Variants in EPHA6 observed in about 807,000 individuals in gnomAD.
EPHA6 encodes the protein EPH receptor A6, also known as ephrin type-A receptor 6.
Under a neutral mutation model 112.0 loss-of-function variants are expected in EPHA6, and 50 were observed. That is an observed-to-expected ratio of 0.45 (90% CI 0.36 to 0.56). The LOEUF (loss-of-function observed/expected upper bound fraction) is 0.56, where lower values mean the gene tolerates loss of function less well. EPHA6 is among the 20% of genes least tolerant of loss of function. The pLI is 0.00. For missense variants in EPHA6, 1,280 were observed against 1,417.4 expected, an observed-to-expected ratio of 0.90 and a Z score of 1.56; for synonymous variants, 529 against 490.7, an observed-to-expected ratio of 1.08 and a Z score of -1.03.
chr3:97,726,564 T>A (rs931954959), intron 15 of EPHA6, among the ~76,000 whole-genome samples: 1 of 152,126 alleles, frequency 6.6e-6, no homozygotes, highest in Non-Finnish European at 1.5e-5. Flanking sequence ...TTGACATATT[T>A]AGCCTATTGC....
Position 97,571,173 on chromosome 3 carries a change from A to T in EPHA6, c.2387-21439A>T, listed in dbSNP as rs142149757. Among the ~76,000 whole-genome samples, 395 of 152,240 alleles carry T rather than the reference A, an allele frequency of 2.6e-3. 3 individuals are homozygous for T. Among genetic ancestry groups the T allele is most frequent in the African/African-American group, 9.3e-3 (385 of 41,526 alleles). On this transcript the variant is annotated intron_variant, in intron 11 of 17. Coordinates refer to ENST00000389672, the MANE Select transcript of EPHA6 (RefSeq NM_001080448.3). Reference sequence around the variant, plus strand: ...GCAAGGAGTCAGCATTTAGGGCAGTAATATCACTTGTTAAAAAATACTGCT... The same window carrying T: ...GCAAGGAGTCAGCATTTAGGGCAGTTATATCACTTGTTAAAAAATACTGCT...
intron 10 of EPHA6, among the ~76,000 whole-genome samples, chr3:97,485,258 A>G (rs2091671380): frequency 1.3e-5 from 2 of 152,226 alleles, no homozygotes; most frequent in Non-Finnish European, 2.9e-5. Context: ...GACAAGCTAC[A>G]TAATTTGCAG....
At chr3:96,850,406 A>C (rs952289169) in intron 1 of EPHA6, among the ~76,000 whole-genome samples, 1 of 152,092 alleles carries the variant, frequency 6.6e-6, no homozygotes, top group African/African-American at 2.4e-5. Context: ...ACTGTCCTAG[A>C]AGCCTTTAGA....
intron 5 of EPHA6, among the ~76,000 whole-genome samples, chr3:97,288,924 ATTTTTT>A (rs374397667): frequency 1.6e-4 from 18 of 111,286 alleles, no homozygotes; most frequent in Non-Finnish European, 2.8e-4. Context: ...TTTAATGGGG[ATTTTTT>A]TTTTTTTTTT....
intron 6 of EPHA6, among the ~76,000 whole-genome samples, chr3:97,415,315 G>A (rs954139009): frequency 2.6e-5 from 4 of 151,986 alleles, no homozygotes; most frequent in African/African-American, 4.8e-5. Flanking sequence ...GTGGATGAGC[G>A]TCCTCTTATA....
intron 5 of EPHA6, among the ~76,000 whole-genome samples, chr3:97,359,554 G>A (rs895173282): frequency 6.6e-6 from 1 of 151,128 alleles, no homozygotes; most frequent in Non-Finnish European, 1.5e-5. Flanking sequence ...TGTGCCACAG[G>A]TCTTTTTCAG....
intron 3 of EPHA6, among the ~76,000 whole-genome samples, chr3:97,111,573 T>C (rs1270475130): frequency 6.6e-6 from 1 of 152,126 alleles, no homozygotes; most frequent in Non-Finnish European, 1.5e-5. Context: ...TATTTTTCCC[T>C]GGAAACAAAA....
At chr3:97,138,963 A>G (rs1165031485) in intron 3 of EPHA6, among the ~76,000 whole-genome samples, 5 of 152,134 alleles carry the variant, frequency 3.3e-5, no homozygotes, top group Non-Finnish European at 7.4e-5. Context: ...TGATATGCTG[A>G]AAACTCTGGG....
At chr3:96,948,144 G>GT (rs1211300060) in intron 2 of EPHA6, among the ~76,000 whole-genome samples, 3 of 152,060 alleles carry the variant, frequency 2.0e-5, no homozygotes, top group African/African-American at 7.2e-5. Context: ...GGCAAAAACT[G>GT]TTTTTTTAAT....
intron 5 of EPHA6, among the ~76,000 whole-genome samples, chr3:97,384,561 C>A (rs1235725865): frequency 1.3e-5 from 2 of 152,216 alleles, no homozygotes; most frequent in African/African-American, 4.8e-5. Context: ...AAACACTTTA[C>A]TGTCCTCCTG....
chr3:97,736,141 T>G (rs1218947449), intron 16 of EPHA6, 23 bp downstream of exon 16: 1 of 1,577,720 alleles, frequency 6.3e-7, no homozygotes, highest in Non-Finnish European at 8.6e-7. Flanking sequence ...ATGTTGAGTT[T>G]TTTTCTTCTT....
chr3:97,082,889 A>G (rs1356498731), intron 3 of EPHA6, among the ~76,000 whole-genome samples: 1 of 151,946 alleles, frequency 6.6e-6, no homozygotes, highest in East Asian at 1.9e-4. Context: ...ATTAAAGTTT[A>G]CTATAATCAT....
chr3:96,814,960 C>A lies in EPHA6; in HGVS notation c.337C>A (p.Leu113Met), dbSNP rs537227700. ...FLLQFGFFLP[L>M]LTAWPGDCSH... The stretch of plus-strand genomic sequence containing the variant: ...TTTGCAATTTGGTTTCTTCTTGCCT[C>A]TGCTGACAGCGTGGCCAGGCGACTG... Residue 113 changes from leucine (L) to methionine (M), a missense_variant, in exon 1 of 18, where the codon CTG becomes ATG. By Grantham distance (15) the Leu-to-Met change is conservative (BLOSUM62 2). Around this residue, in one of 4 missense-constraint regions of EPHA6, gnomAD observed 220 missense variants for 171.5 expected, o/e 1.28. Coordinates refer to ENST00000389672, the MANE Select transcript of EPHA6 (RefSeq NM_001080448.3). 142 of 1,547,366 alleles carry A rather than the reference C, an allele frequency of 9.2e-5. No homozygotes were observed. Among genetic ancestry groups the A allele is most frequent in the Middle Eastern group, 6.7e-4 (4 of 6,000 alleles).
At chr3:96,902,682 G>T (rs971637945) in intron 2 of EPHA6, among the ~76,000 whole-genome samples, 17 of 152,126 alleles carry the variant, frequency 1.1e-4, no homozygotes, top group Admixed American at 1.1e-3. Flanking sequence ...TGCTGAGTCT[G>T]CTGAACTAGC....
intron 14 of EPHA6, among the ~76,000 whole-genome samples, chr3:97,690,085 A>G (rs1051974599): frequency 6.6e-6 from 1 of 152,116 alleles, no homozygotes; most frequent in African/African-American, 2.4e-5. Context: ...TAATTTTGCT[A>G]TTGATCTTCA....
At chr3:97,514,212 CT>C (rs2092411169) in intron 10 of EPHA6, among the ~76,000 whole-genome samples, 1 of 152,188 alleles carries the variant, frequency 6.6e-6, no homozygotes, top group South Asian at 2.1e-4. Flanking sequence ...GTTTCCTCCT[CT>C]TTTCCAGCCT....
intron 5 of EPHA6, among the ~76,000 whole-genome samples, chr3:97,365,521 G>A (rs2084670289): frequency 2.0e-5 from 3 of 151,778 alleles, no homozygotes; most frequent in Admixed American, 6.6e-5. Flanking sequence ...CTCCTGAGTA[G>A]CTGGCACACG....
intron 14 of EPHA6, among the ~76,000 whole-genome samples, chr3:97,685,257 G>T (rs1379543846): frequency 3.3e-5 from 5 of 152,158 alleles, no homozygotes; most frequent in African/African-American, 4.8e-5. Flanking sequence ...CAAACTGTAT[G>T]CATCCAAAAA....
intron 2 of EPHA6, among the ~76,000 whole-genome samples, chr3:96,920,672 A>G (rs1176199079): frequency 1.3e-5 from 2 of 151,968 alleles, no homozygotes; most frequent in Non-Finnish European, 2.9e-5. Flanking sequence ...CCTATAACTC[A>G]TTATATTTTA....
Sources: allele counts gnomAD v4.1 joint callset (sites outside exome capture counted in the v4.1 genomes callset), GRCh38; gene constraint gnomAD v4.1.1; regional missense constraint gnomAD v4.1.1; transcripts MANE v1.5; gene names NCBI Gene and HGNC (gene_info 2026-07-23, HGNC 2026-07-21).